Variants in SDR42E1 observed in about 807,000 individuals in gnomAD.
SDR42E1 encodes short chain dehydrogenase/reductase family 42E, member 1.
A neutral mutation model predicts 2.6 loss-of-function variants in SDR42E1; 5 were observed. The ratio of observed to expected loss-of-function variants is 1.94; its 90% CI spans 1.01 to 4.08. SDR42E1 has a LOEUF of 4.08. Among genes scored for constraint, SDR42E1 ranks in the 30% most tolerant of loss-of-function variants. The probability of loss-of-function intolerance (pLI) is 0.00; values close to 1 mark genes in which losing one functional copy is unlikely to be tolerated. For synonymous variants in SDR42E1, 231 were observed against 188.3 expected, an observed-to-expected ratio of 1.23 and a Z score of -1.86; for missense variants, 596 against 478.6, an observed-to-expected ratio of 1.25 and a Z score of -2.29.
rs1912523742 is a variant in SDR42E1 at position 81,995,596 on chromosome 16, A to G, written c.*3515T>C. The stretch of plus-strand genomic sequence containing the variant: ...ACTCACTAGACCTCATCTAATCTTG[A>G]CTTAGTTACGACAGTTCTAGTGTAG... On this transcript the variant is annotated 3_prime_UTR_variant, in exon 3 of 3. Coordinates refer to ENST00000328945, the MANE Select transcript of SDR42E1 (RefSeq NM_145168.3). The G allele has an allele frequency of 6.6e-6, 1 of 152,198 alleles. No individual in the cohort carries two copies. The highest frequency in any genetic ancestry group is 2.1e-4 in the South Asian group (1 of 4,832). 9.4% of individuals were successfully genotyped at this position (152,198 alleles called of 1,614,324 possible).
chr16:82,010,414 T>C (rs1000633338), intron 1 of SDR42E1, among the ~76,000 whole-genome samples: 1 of 152,128 alleles, frequency 6.6e-6, no homozygotes, highest in African/African-American at 2.4e-5. Context: ...ACAATACAGA[T>C]TCGCTTAGGT....
rs1438830901 is a variant in SDR42E1, at chr16:81,998,527, A to G, written c.*584T>C. ...ATCCTATGAGGTAGAATAAAGGCCTAAACATCAAACATTACCATGTGTTCA... is the reference window on the plus strand; with the variant it reads ...ATCCTATGAGGTAGAATAAAGGCCTGAACATCAAACATTACCATGTGTTCA... On this transcript the variant is annotated 3_prime_UTR_variant, in exon 3 of 3. Transcript: ENST00000328945. 1.3e-5 allele frequency: 2 copies of G among 153,182 alleles called. No homozygotes were observed. The highest frequency in any genetic ancestry group is 4.8e-5 in the African/African-American group (2 of 41,450). The allele number at this position is 153,182 out of a possible 1,614,324, so 9.5% of individuals were successfully genotyped here. A position where few individuals can be genotyped will look rare whatever the true frequency, so the allele number is the denominator to read the frequency against.
intron 1 of SDR42E1, among the ~76,000 whole-genome samples, chr16:82,009,298 C>G (rs1913048877): frequency 6.6e-6 from 1 of 152,176 alleles, no homozygotes; most frequent in Admixed American, 6.5e-5. Context: ...TCCTCCAGAC[C>G]CCAGAATGGT....
At position 81,992,860 on chromosome 16, in the gene SDR42E1, T is replaced by G. The variant is rs1487286769; in HGVS notation, c.*6251A>C. 1 of 152,124 alleles carries G rather than the reference T, an allele frequency of 6.6e-6. No homozygotes were observed. Among genetic ancestry groups the G allele is most frequent in the African/African-American group, 2.4e-5 (1 of 41,428 alleles). 9.4% of individuals were successfully genotyped at this position (152,124 alleles called of 1,614,324 possible). On this transcript the variant is annotated 3_prime_UTR_variant, in exon 3 of 3. Transcript: ENST00000328945. ...ATGAGTTCCTGGTGTGCCCAGGTTC[T>G]AAAATACAGAAGGGTAACATGGTAT...
At chr16:82,008,778 A>G (rs966226034) in intron 1 of SDR42E1, among the ~76,000 whole-genome samples, 1 of 152,254 alleles carries the variant, frequency 6.6e-6, no homozygotes, top group Non-Finnish European at 1.5e-5. Context: ...AATTTGCATA[A>G]GTAACAAGGA....
In SDR42E1 at chr16:81,996,965, A is replaced by C. The variant is rs1259096907; in HGVS notation, c.*2146T>G. The C allele has an allele frequency of 2.0e-5, 3 of 152,226 alleles. No individual in the cohort carries two copies. Among genetic ancestry groups the C allele is most frequent in the African/African-American group, 7.2e-5 (3 of 41,450 alleles). The allele number at this position is 152,226 out of a possible 1,614,324, so 9.4% of individuals were successfully genotyped here. A position where few individuals can be genotyped will look rare whatever the true frequency, so the allele number is the denominator to read the frequency against. On this transcript the variant is annotated 3_prime_UTR_variant, in exon 3 of 3. Coordinates refer to ENST00000328945, the MANE Select transcript of SDR42E1 (RefSeq NM_145168.3). The stretch of plus-strand genomic sequence containing the variant: ...TATAAAATCTTTTTAAGATCTCAGA[A>C]AGGCCTGATGTGGCACCCCAGAGAG...
In SDR42E1 at chr16:81,991,469, C is replaced by A. The variant is rs1244391320; in HGVS notation, c.*7642G>T. The A allele has an allele frequency of 1.3e-5, 2 of 152,136 alleles. No homozygotes were observed. Among genetic ancestry groups the A allele is most frequent in the African/African-American group, 4.8e-5 (2 of 41,396 alleles). The allele number at this position is 152,136 out of a possible 1,614,324, so 9.4% of individuals were successfully genotyped here. A position where few individuals can be genotyped will look rare whatever the true frequency, so the allele number is the denominator to read the frequency against. On this transcript the variant is annotated 3_prime_UTR_variant, in exon 3 of 3. Transcript: ENST00000328945. ...CGGTGGCTCATACCTGTAATCCCAG[C>A]ACTTTGGGAGGCCGAGGCAAGAGGA...
At chr16:82,005,612 T>C (rs765169047) in intron 1 of SDR42E1, among the ~76,000 whole-genome samples, 3 of 152,196 alleles carry the variant, frequency 2.0e-5, no homozygotes, top group Non-Finnish European at 4.4e-5. Context: ...CTGCCTGATT[T>C]TCATCTACTC....
At chr16:82,006,183 TA>T (rs145701372) in intron 1 of SDR42E1, among the ~76,000 whole-genome samples, 8,655 of 152,034 alleles carry the variant, frequency 0.057, 766 homozygotes, top group African/African-American at 0.19. Context: ...ACTGTTACCA[TA>T]AAAATAAAAA....
At chr16:82,000,923 T>C (rs1035636554) in intron 1 of SDR42E1, 39 bp from the exon 2 acceptor site, 35 of 1,376,684 alleles carry the variant, frequency 2.5e-5, no homozygotes, top group Non-Finnish European at 3.6e-5. Flanking sequence ...CTGATCCAAA[T>C]GCAAACGTCA....
rs527450506 is a variant in SDR42E1 at position 82,007,428 on chromosome 16, C to G, written c.-27+3959G>C. On this transcript the variant is annotated intron_variant, in intron 1 of 2. Transcript: ENST00000328945. ...TCTGTCTGTGAATTATTTCACAACCCTCTCAGATGAGTACTAATTTGTTAA... is the reference window on the plus strand; with the variant it reads ...TCTGTCTGTGAATTATTTCACAACCGTCTCAGATGAGTACTAATTTGTTAA... 2.0e-5 allele frequency among the ~76,000 whole-genome samples: 3 copies of G among 152,332 alleles called. No individual in the cohort carries two copies. In the East Asian group the frequency reaches 5.8e-4, roughly 29 times the overall value.
At position 81,992,254 on chromosome 16, in the gene SDR42E1, GT is replaced by G. The variant is rs1912445146; in HGVS notation, c.*6856del. ...ACAATGTTCATCTTTGAGTAATTTA[GT>G]TAACTAGGGTGACAGGTTAATATTG... On this transcript the variant is annotated 3_prime_UTR_variant, in exon 3 of 3. Coordinates refer to ENST00000328945, the MANE Select transcript of SDR42E1 (RefSeq NM_145168.3). 1 of 152,200 alleles carries G rather than the reference GT, an allele frequency of 6.6e-6. No individual in the cohort carries two copies. The highest frequency in any genetic ancestry group is 2.1e-4 in the South Asian group (1 of 4,826). 9.4% of individuals were successfully genotyped at this position (152,200 alleles called of 1,614,324 possible). A position where few individuals can be genotyped will look rare whatever the true frequency, so the allele number is the denominator to read the frequency against.
rs1912379382 is a variant in SDR42E1, at chr16:81,989,515, G to A, written c.*9596C>T. On this transcript the variant is annotated 3_prime_UTR_variant, in exon 3 of 3. Coordinates refer to ENST00000328945, the MANE Select transcript of SDR42E1 (RefSeq NM_145168.3). ...GCACTCTGAATGTGTAGAAATAAAA[G>A]CTTGATGATTTTGGGTTGGCTTTCT... 6.6e-6 allele frequency: 1 copy of A among 152,142 alleles called. No homozygotes were observed. Among genetic ancestry groups the A allele is most frequent in the South Asian group, 2.1e-4 (1 of 4,828 alleles). 9.4% of individuals were successfully genotyped at this position (152,142 alleles called of 1,614,324 possible).
rs1912559060 is a variant in SDR42E1, at chr16:81,997,105, G to A, written c.*2006C>T. ...ATTTGTGGGTGTGGCTTTTGTGAGT[G>A]AACTGCAATAAGACTCAGGTGACGC... On this transcript the variant is annotated 3_prime_UTR_variant, in exon 3 of 3. Coordinates refer to ENST00000328945, the MANE Select transcript of SDR42E1 (RefSeq NM_145168.3). 6.6e-6 allele frequency: 1 copy of A among 152,208 alleles called. No individual in the cohort carries two copies. The highest frequency in any genetic ancestry group is 2.1e-4 in the South Asian group (1 of 4,822). 9.4% of individuals were successfully genotyped at this position (152,208 alleles called of 1,614,324 possible).
chr16:82,006,943 G>A (rs1479297797), intron 1 of SDR42E1, among the ~76,000 whole-genome samples: 2 of 152,262 alleles, frequency 1.3e-5, no homozygotes, highest in Non-Finnish European at 1.5e-5. Flanking sequence ...CAGGACAGCT[G>A]TCTATAATTC....
At chr16:82,011,363 C>T in intron 1 of SDR42E1, 24 bp downstream of exon 1, 1 of 152,496 alleles carries the variant, frequency 6.6e-6, no homozygotes, top group Non-Finnish European at 1.5e-5. Context: ...GGCGGCCCCC[C>T]AACCCCAGCC....
chr16:81,999,659 C>T lies in SDR42E1; in HGVS notation c.634G>A (p.Val212Ile), dbSNP rs776781781. ...SYIEKGLFKF[V>I]YGDPRSLVEF... ...ACCAGGCTCCTGGGGTCCCCGTAGA[C>T]AAACTTGAACAGACCCTTCTCGATG... Residue 212 changes from valine to isoleucine, a missense_variant, in exon 3 of 3, where the codon GTC becomes ATC. Physicochemically the swap from Val to Ile is conservative, Grantham distance 29. Coordinates refer to ENST00000328945, the MANE Select transcript of SDR42E1 (RefSeq NM_145168.3). 31 of 1,614,118 alleles carry T rather than the reference C, an allele frequency of 1.9e-5. No individual in the cohort carries two copies. Among genetic ancestry groups the T allele is most frequent in the South Asian group, 1.8e-4 (16 of 91,088 alleles).
chr16:82,000,742 C>A, intron 2 of SDR42E1, 49 bp downstream of exon 2: 1 of 1,374,442 alleles, frequency 7.3e-7, no homozygotes, highest in Non-Finnish European at 1.0e-6. Context: ...ATGCTTCTGG[C>A]AACTACCAGT....
chr16:82,006,173 A>G (rs146110976), intron 1 of SDR42E1, among the ~76,000 whole-genome samples: 298 of 151,102 alleles, frequency 2.0e-3, no homozygotes, highest in African/African-American at 7.1e-3. Context: ...GGAATTTAAG[A>G]CTGTTACCAT....
Sources: allele counts gnomAD v4.1 joint callset (sites outside exome capture counted in the v4.1 genomes callset), GRCh38; gene constraint gnomAD v4.1.1; transcripts MANE v1.5; gene names NCBI Gene and HGNC (gene_info 2026-07-23, HGNC 2026-07-21).